Variants in ADNP observed in about 807,000 individuals in gnomAD.
The protein encoded by ADNP is activity dependent neuroprotector homeobox.
A neutral mutation model predicts 84.9 loss-of-function variants in ADNP; 4 were observed. The ratio of observed to expected loss-of-function variants is 0.05; its 90% CI spans 0.02 to 0.11. ADNP has a LOEUF of 0.11. Ranked by LOEUF, ADNP falls within the 10% of genes least tolerant of loss-of-function variation. The pLI is 1.00. For missense variants in ADNP, 1,132 were observed against 1,326.0 expected (o/e 0.85, Z 2.27); for synonymous variants, 554 against 468.1 (o/e 1.18, Z -2.37).
intron 5 of ADNP, among the ~76,000 whole-genome samples, chr20:50,900,842 A>T (rs1050702807): frequency 6.6e-6 from 1 of 152,216 alleles, no homozygotes; most frequent in Non-Finnish European, 1.5e-5. Context: ...AGAAAGACTG[A>T]TTTGAAAAGT....
At position 50,893,534 on chromosome 20, in the gene ADNP, G is replaced by C. The variant is rs143474358; in HGVS notation, c.1180C>G (p.Leu394Val). Residue 394 changes from leucine (L) to valine (V), a missense_variant, in exon 6 of 6, where the codon CTG becomes GTG. This residue lies in a region of ADNP where 239 missense variants were observed against 213.2 expected (regional missense o/e 1.12). Transcript: ENST00000621696. The surrounding 1 kb of genome is among the most constrained non-coding windows in gnomAD (Gnocchi z 4.4). ...AGAGAAGAGGCATTAGCAGACTGCA[G>C]GGAGTATCTTGCTGGTGCCTGGGAC... ...QRSQAPARYS[L>V]QSANASSLSS... is the part of the protein sequence containing the mutation. 6.2e-7 allele frequency: 1 copy of C among 1,613,876 alleles called. No homozygotes were observed. The highest frequency in any genetic ancestry group is 8.5e-7 in the Non-Finnish European group (1 of 1,180,024).
Position 50,889,614 on chromosome 20 carries a change from C to T in ADNP, c.*1791G>A. 1 of 353,808 alleles carries T rather than the reference C, an allele frequency of 2.8e-6. No homozygotes were observed. The highest frequency in any genetic ancestry group is 5.0e-6 in the Non-Finnish European group (1 of 198,262). The allele number at this position is 353,808 out of a possible 1,614,324, so 21.9% of individuals were successfully genotyped here. A position where few individuals can be genotyped will look rare whatever the true frequency, so the allele number is the denominator to read the frequency against. On this transcript the variant is annotated 3_prime_UTR_variant, in exon 6 of 6. Coordinates refer to ENST00000621696, the MANE Select transcript of ADNP (RefSeq NM_001282531.3). ...CAAGAGTCTTTCTTTTGGAAACAGA[C>T]TCAGAAGTTATGGACATCAGCCACT...
At chr20:50,911,203 A>G (rs1982995560) in intron 2 of ADNP, among the ~76,000 whole-genome samples, 2 of 152,366 alleles carry the variant, frequency 1.3e-5, no homozygotes, top group South Asian at 4.1e-4. Context: ...GTATCTGTGC[A>G]GAAACTTTTT....
At chr20:50,914,324 A>G in intron 2 of ADNP, 1 of 680,454 alleles carries the variant, frequency 1.5e-6, no homozygotes, top group Non-Finnish European at 2.7e-6. Flanking sequence ...TACATAGAGA[A>G]TAAAGAAGAA....
chr20:50,904,583 T>C (rs1382289680), intron 3 of ADNP, 183 bp downstream of exon 3: 2 of 152,274 alleles, frequency 1.3e-5, no homozygotes, highest in Non-Finnish European at 2.9e-5. Flanking sequence ...ATTTTCCCAG[T>C]TTTTAACAGG....
At chr20:50,924,217 G>A (rs1443115868) in intron 2 of ADNP, among the ~76,000 whole-genome samples, 2 of 152,192 alleles carry the variant, frequency 1.3e-5, no homozygotes, top group Non-Finnish European at 2.9e-5. Context: ...AAAGAAAAGG[G>A]AACATAAACA....
chr20:50,907,570 A>G (rs1468653480), intron 2 of ADNP, among the ~76,000 whole-genome samples: 2 of 151,508 alleles, frequency 1.3e-5, no homozygotes, highest in African/African-American at 4.9e-5. Context: ...CCTGGCCAGG[A>G]ATGTATGTTC....
At chr20:50,905,096 TAATAC>T (rs970409083) in intron 2 of ADNP, 2 of 152,192 alleles carry the variant, frequency 1.3e-5, no homozygotes, top group African/African-American at 4.8e-5. Context: ...TTTAATGACC[TAATAC>T]ATTAAATTAG....
chr20:50,906,718 T>C (rs1489976153), intron 2 of ADNP, among the ~76,000 whole-genome samples: 2 of 152,200 alleles, frequency 1.3e-5, no homozygotes, highest in Non-Finnish European at 2.9e-5. Context: ...GCCTGGTAGG[T>C]ATTTTTTTCT....
intron 2 of ADNP, among the ~76,000 whole-genome samples, chr20:50,905,803 T>C (rs924012506): frequency 6.6e-6 from 1 of 152,258 alleles, no homozygotes; most frequent in African/African-American, 2.4e-5. Flanking sequence ...TCACTTCTGA[T>C]ATAAATTAAG....
In ADNP at chr20:50,911,510, C is replaced by CTT. The variant is rs371456557; in HGVS notation, c.-89-6663_-89-6662dup. On this transcript the variant is annotated intron_variant, in intron 2 of 5. Coordinates refer to ENST00000621696, the MANE Select transcript of ADNP (RefSeq NM_001282531.3). ...CTAAAACCCAGATTTCTTTTCTTTT[C>CTT]TTTTTTTTTTTTTTGAGACAGTTTC... 5.7e-3 allele frequency among the ~76,000 whole-genome samples: 804 copies of CTT among 141,892 alleles called. 3 individuals are homozygous for CTT. The highest frequency in any genetic ancestry group is 9.3e-3 in the African/African-American group (359 of 38,744). 93.1% of individuals were successfully genotyped at this position (141,892 alleles called of 152,430 possible).
At chr20:50,907,852 C>T (rs1437011783) in intron 2 of ADNP, among the ~76,000 whole-genome samples, 1 of 151,298 alleles carries the variant, frequency 6.6e-6, no homozygotes, top group Non-Finnish European at 1.5e-5. Context: ...CTGGCTTTGG[C>T]CTCCCAAAGT....
At chr20:50,921,165 A>T (rs1983932669) in intron 2 of ADNP, among the ~76,000 whole-genome samples, 1 of 152,250 alleles carries the variant, frequency 6.6e-6, no homozygotes, top group East Asian at 1.9e-4. Context: ...TAAAATAATC[A>T]CTTTCAAAAT....
chr20:50,904,520 T>A (rs1600958029), intron 3 of ADNP: 1 of 152,908 alleles, frequency 6.5e-6, no homozygotes, highest in Non-Finnish European at 1.5e-5. Context: ...GCCGAGCACA[T>A]ATCTACTATA....
intron 3 of ADNP, chr20:50,904,220 G>C: frequency 1.9e-6 from 1 of 520,750 alleles, no homozygotes; most frequent in Non-Finnish European, 3.5e-6. Context: ...TTAAGACAGA[G>C]TCTTACTCTG....
Position 50,894,197 on chromosome 20 carries a change from G to T in ADNP, c.517C>A (p.Arg173=). 1 of 1,614,064 alleles carries T rather than the reference G, an allele frequency of 6.2e-7. No homozygotes were observed. The highest frequency in any genetic ancestry group is 8.5e-7 in the Non-Finnish European group (1 of 1,179,958). Residue 173 remains arginine, a synonymous_variant, in exon 6 of 6, where the codon CGA becomes AGA. Coordinates refer to ENST00000621696, the MANE Select transcript of ADNP (RefSeq NM_001282531.3). ...AVYYCKKCTY[R]DPLYEIVRKH... Reference sequence around the variant, plus strand: ...CTAACTATTTCATAAAGAGGATCTCGGTAAGTGCACTTCTTACAGTAATAA... The same window carrying T: ...CTAACTATTTCATAAAGAGGATCTCTGTAAGTGCACTTCTTACAGTAATAA...
At position 50,894,253 on chromosome 20, in the gene ADNP, G is replaced by A. The variant is rs141897292; in HGVS notation, c.461C>T (p.Pro154Leu). ...KDKNKNDGLK[P>L]KQADSVEQAV... ...TTGCTCTACACTGTCAGCCTGCTTA[G>A]GTTTAAGGCCATCATTTTTGTTTTT... is the stretch of plus-strand genomic sequence containing the variant. The change falls in exon 6 of 6, where the codon CCT becomes CTT. Residue 154 changes from proline to leucine, a missense_variant. By Grantham distance (98) the Pro-to-Leu change is moderately conservative (BLOSUM62 -3). Around this residue, in one of 10 missense-constraint regions of ADNP, gnomAD observed 130 missense variants for 183.7 expected, o/e 0.71. Coordinates refer to ENST00000621696, the MANE Select transcript of ADNP (RefSeq NM_001282531.3). 5.0e-5 allele frequency: 80 copies of A among 1,613,966 alleles called. No individual in the cohort carries two copies. The highest frequency in any genetic ancestry group is 6.2e-5 in the Non-Finnish European group (73 of 1,180,018).
At chr20:50,901,878 G>A in intron 5 of ADNP, 139 bp downstream of exon 5, 1 of 769,164 alleles carries the variant, frequency 1.3e-6, no homozygotes, top group South Asian at 1.5e-5. Flanking sequence ...CCACTGGTCA[G>A]GAAAATATGA....
chr20:50,896,810 T>TA (rs58496674), intron 5 of ADNP, among the ~76,000 whole-genome samples: 13,879 of 152,248 alleles, frequency 0.091, 682 homozygotes, highest in African/African-American at 0.13. Context: ...GTCTCACACT[T>TA]ACCAAGAATA....
Sources: gnomAD v4.1 joint callset for allele counts (sites outside exome capture counted in the v4.1 genomes callset) on GRCh38, gnomAD v4.1.1 for gene constraint, gnomAD v4.1.1 regional missense constraint, Gnocchi (gnomAD v3.1) non-coding constraint, MANE v1.5 for transcripts, NCBI Gene and HGNC (gene_info 2026-07-23, HGNC 2026-07-21) for gene names.